SPRED2: variants seen among roughly 807,000 people sequenced by gnomAD.
SPRED2 encodes the protein sprouty-related, EVH1 domain-containing protein 2.
Under a neutral mutation model 43.0 loss-of-function variants are expected in SPRED2, and 47 were observed. That is an observed-to-expected ratio of 1.09 (90% CI 0.87 to 1.40). The LOEUF (loss-of-function observed/expected upper bound fraction) is 1.40. Ranked by LOEUF, SPRED2 falls within the 40% of genes most tolerant of loss-of-function variation. The probability of loss-of-function intolerance (pLI) is 0.00; values close to 1 mark genes in which losing one functional copy is unlikely to be tolerated. For synonymous variants in SPRED2, 225 were observed against 225.7 expected, an observed-to-expected ratio of 1.00 and a Z score of 0.03; for missense variants, 561 against 586.4, an observed-to-expected ratio of 0.96 and a Z score of 0.45.
chr2:65,363,378 G>A lies in SPRED2; in HGVS notation c.27-18482C>T, dbSNP rs547072769. Among the ~76,000 whole-genome samples the A allele has an allele frequency of 3.9e-5, 6 of 152,284 alleles. No homozygotes were observed. In the East Asian group the frequency reaches 1.2e-3, roughly 29 times the overall value. ...ACATGTACCCGGAAGAATGTTCAGG[G>A]TTCACAGAAGTCCATGCTGGTTTGA... On this transcript the variant is annotated intron_variant, in intron 1 of 5. Coordinates refer to ENST00000356388, the MANE Select transcript of SPRED2 (RefSeq NM_181784.3).
intron 1 of SPRED2, among the ~76,000 whole-genome samples, chr2:65,409,171 G>A (rs950741709): frequency 6.6e-6 from 1 of 152,182 alleles, no homozygotes; most frequent in African/African-American, 2.4e-5. Context: ...CAGCTAATAA[G>A]CAGCAAAGGG....
chr2:65,326,227 C>T (rs949702893), intron 4 of SPRED2, among the ~76,000 whole-genome samples: 1 of 152,122 alleles, frequency 6.6e-6, no homozygotes, highest in African/African-American at 2.4e-5. Flanking sequence ...CCCCCCACCC[C>T]GTATATAATA....
chr2:65,395,198 G>T (rs2103700047), intron 1 of SPRED2, among the ~76,000 whole-genome samples: 1 of 152,028 alleles, frequency 6.6e-6, no homozygotes, highest in African/African-American at 2.4e-5. Flanking sequence ...CGTGGCCCCG[G>T]CTCCTGGCCT....
At chr2:65,377,378 C>T (rs369229451) in intron 1 of SPRED2, among the ~76,000 whole-genome samples, 55 of 152,256 alleles carry the variant, frequency 3.6e-4, no homozygotes, top group African/African-American at 1.2e-3. Context: ...ATGATGCATA[C>T]GTGGTAGCAC....
intron 1 of SPRED2, among the ~76,000 whole-genome samples, chr2:65,365,460 G>C (rs756242299): frequency 1.3e-5 from 2 of 152,236 alleles, no homozygotes; most frequent in African/African-American, 2.4e-5. Flanking sequence ...AGGAAAACAA[G>C]TCATTATTAT....
chr2:65,359,618 T>C (rs539611441), intron 1 of SPRED2, among the ~76,000 whole-genome samples: 22 of 152,316 alleles, frequency 1.4e-4, no homozygotes, highest in African/African-American at 3.8e-4. Flanking sequence ...CTTTAAGTCA[T>C]GCAGTCTGTG....
chr2:65,430,612 G>A (rs571271162), intron 1 of SPRED2, among the ~76,000 whole-genome samples: 2 of 152,280 alleles, frequency 1.3e-5, no homozygotes, highest in South Asian at 2.1e-4. Context: ...AATGCCTGCG[G>A]GGGGCAAAAG....
intron 1 of SPRED2, among the ~76,000 whole-genome samples, chr2:65,359,882 T>C (rs1168730431): frequency 1.3e-5 from 2 of 151,302 alleles, no homozygotes; most frequent in Non-Finnish European, 2.9e-5. Flanking sequence ...CTGGCAAACA[T>C]GGTGAAACTC....
At chr2:65,370,328 C>T (rs200053717) in intron 1 of SPRED2, among the ~76,000 whole-genome samples, 2 of 151,726 alleles carry the variant, frequency 1.3e-5, no homozygotes, top group Non-Finnish European at 2.9e-5. Flanking sequence ...ATGTGAACAA[C>T]GACAATGATT....
At chr2:65,391,195 T>TACACACACACACACACACAC (rs70943648) in intron 1 of SPRED2, among the ~76,000 whole-genome samples, 1 of 145,556 alleles carries the variant, frequency 6.9e-6, no homozygotes. Context: ...CCTTAATGTG[T>TACACACACACACACACACAC]ACACACACAC....
intron 1 of SPRED2, among the ~76,000 whole-genome samples, chr2:65,369,042 T>C (rs1675052801): frequency 6.6e-6 from 1 of 151,998 alleles, no homozygotes; most frequent in African/African-American, 2.4e-5. Context: ...ACCACCGCAC[T>C]CCAGCCTGGG....
chr2:65,399,355 A>T (rs1675829562), intron 1 of SPRED2, among the ~76,000 whole-genome samples: 1 of 151,116 alleles, frequency 6.6e-6, no homozygotes, highest in African/African-American at 2.4e-5. Context: ...CATTTGCAGC[A>T]ACCTGGATAG....
intron 4 of SPRED2, among the ~76,000 whole-genome samples, chr2:65,323,273 G>A (rs948958694): frequency 6.6e-6 from 1 of 152,108 alleles, no homozygotes; most frequent in Non-Finnish European, 1.5e-5. Flanking sequence ...GGGATTACAG[G>A]CATGAGCCAC....
intron 4 of SPRED2, among the ~76,000 whole-genome samples, chr2:65,321,695 A>G (rs1319699382): frequency 6.6e-6 from 1 of 152,136 alleles, no homozygotes; most frequent in East Asian, 1.9e-4. Flanking sequence ...CTCTAACTCC[A>G]GTGTTTACAT....
chr2:65,424,501 C>A (rs773696080), intron 1 of SPRED2, among the ~76,000 whole-genome samples: 1 of 152,000 alleles, frequency 6.6e-6, no homozygotes, highest in African/African-American at 2.4e-5. Flanking sequence ...GTGGTGTACA[C>A]CTGTGGTCGC....
In SPRED2 at chr2:65,312,179, C is replaced by T. The variant is rs1229503500; in HGVS notation, c.*1322G>A. The T allele has an allele frequency of 4.1e-6, 4 of 985,546 alleles. No homozygotes were observed. The highest frequency in any genetic ancestry group is 1.1e-4 in the East Asian group (1 of 8,822). The allele number at this position is 985,546 out of a possible 1,614,324, so 61.1% of individuals were successfully genotyped here. A position where few individuals can be genotyped will look rare whatever the true frequency, so the allele number is the denominator to read the frequency against. Reference sequence around the variant, plus strand: ...ATTAGAAGCCTCCTCCGTGGCAAGGCGACAGGCAGAACCAGTTGGCTGACC... The same window carrying T: ...ATTAGAAGCCTCCTCCGTGGCAAGGTGACAGGCAGAACCAGTTGGCTGACC... On this transcript the variant is annotated 3_prime_UTR_variant, in exon 6 of 6. Transcript: ENST00000356388.
At chr2:65,421,033 G>GC (rs1363862857) in intron 1 of SPRED2, among the ~76,000 whole-genome samples, 1 of 152,162 alleles carries the variant, frequency 6.6e-6, no homozygotes, top group Non-Finnish European at 1.5e-5. Context: ...GCCTTTCCGT[G>GC]CATACATGAC....
intron 1 of SPRED2, among the ~76,000 whole-genome samples, chr2:65,415,462 A>C (rs1185013161): frequency 6.6e-6 from 1 of 152,234 alleles, no homozygotes; most frequent in Non-Finnish European, 1.5e-5. Flanking sequence ...TAAAAAAAAA[A>C]AAATTCAAAT....
chr2:65,401,973 A>ACACACC (rs770117392), intron 1 of SPRED2, among the ~76,000 whole-genome samples: 126 of 148,352 alleles, frequency 8.5e-4, no homozygotes, highest in Non-Finnish European at 1.4e-3. Context: ...ACACACACAC[A>ACACACC]CCTGTTAATT....
Sources: allele counts gnomAD v4.1 joint callset (sites outside exome capture counted in the v4.1 genomes callset), GRCh38; gene constraint gnomAD v4.1.1; transcripts MANE v1.5; gene names NCBI Gene and HGNC (gene_info 2026-07-23, HGNC 2026-07-21).